The following ADGRL3 variants were observed in gnomAD, a reference collection of about 807,000 sequenced individuals.
ADGRL3 encodes the protein calcium-independent alpha-latrotoxin receptor 3.
In ADGRL3, 62 loss-of-function variants were observed where a neutral mutation model predicts 153.5. The observed-to-expected ratio is 0.40, with a 90% CI of 0.33 to 0.50. The LOEUF is 0.50. Among genes scored for constraint, ADGRL3 ranks in the 20% least tolerant of loss-of-function variants. The probability of loss-of-function intolerance (pLI) is 0.47; values close to 1 mark genes in which losing one functional copy is unlikely to be tolerated. For missense variants in ADGRL3, 1,641 were observed against 1,859.4 expected, an observed-to-expected ratio of 0.88 and a Z score of 2.16; for synonymous variants, 710 against 672.5, an observed-to-expected ratio of 1.06 and a Z score of -0.86.
chr4:61,878,485 T>C (rs541567314), intron 9 of ADGRL3, among the ~76,000 whole-genome samples: 16 of 152,324 alleles, frequency 1.1e-4, no homozygotes, highest in Non-Finnish European at 2.4e-4. Flanking sequence ...CAACTTCCTG[T>C]AAGTCTATAA....
At chr4:61,744,203 A>G (rs2096622253) in intron 8 of ADGRL3, among the ~76,000 whole-genome samples, 1 of 152,188 alleles carries the variant, frequency 6.6e-6, no homozygotes, top group Non-Finnish European at 1.5e-5. Flanking sequence ...TAAACAAAGC[A>G]GCAGGGAAAC....
At chr4:61,275,062 G>A (rs2093396030) in intron 1 of ADGRL3, among the ~76,000 whole-genome samples, 1 of 152,118 alleles carries the variant, frequency 6.6e-6, no homozygotes, top group Non-Finnish European at 1.5e-5. Flanking sequence ...GTAAAGCAGT[G>A]GCCCAGAATT....
intron 8 of ADGRL3, among the ~76,000 whole-genome samples, chr4:61,750,406 T>A: frequency 6.6e-6 from 1 of 152,196 alleles, no homozygotes; most frequent in East Asian, 1.9e-4. Flanking sequence ...CCTGACTTTC[T>A]GCTTTGTCAC....
intron 2 of ADGRL3, among the ~76,000 whole-genome samples, chr4:61,428,899 A>T (rs1481811842): frequency 1.3e-5 from 1 of 76,342 alleles, no homozygotes; most frequent in South Asian, 3.5e-4. Context: ...TATATCATCT[A>T]TCTATCTATC....
intron 2 of ADGRL3, chr4:61,427,256 G>A (rs1160074178): frequency 6.6e-6 from 1 of 152,608 alleles, no homozygotes; most frequent in Non-Finnish European, 1.5e-5. Flanking sequence ...GCATATGAAT[G>A]CCATTTACTC....
intron 9 of ADGRL3, among the ~76,000 whole-genome samples, chr4:61,842,135 T>G (rs1041092297): frequency 6.6e-6 from 1 of 152,182 alleles, no homozygotes; most frequent in Admixed American, 6.5e-5. Context: ...TTCTATACAG[T>G]TAAAACATTT....
intron 13 of ADGRL3, among the ~76,000 whole-genome samples, chr4:61,926,078 T>A (rs1408866850): frequency 6.6e-6 from 1 of 152,152 alleles, no homozygotes; most frequent in Non-Finnish European, 1.5e-5. Context: ...CTGTACTGAG[T>A]ACTGTAGACA....
chr4:61,410,213 C>T (rs764344095), intron 2 of ADGRL3, among the ~76,000 whole-genome samples: 9 of 151,976 alleles, frequency 5.9e-5, no homozygotes, highest in Non-Finnish European at 1.3e-4. Context: ...AAATGAGTAG[C>T]ATTTGGAGAT....
At chr4:61,759,844 G>C (rs369826332) in intron 8 of ADGRL3, among the ~76,000 whole-genome samples, 1 of 152,126 alleles carries the variant, frequency 6.6e-6, no homozygotes, top group East Asian at 1.9e-4. Context: ...TACAGATGGG[G>C]ATTTGGTGTG....
At chr4:61,392,701 A>G (rs1419025272) in intron 2 of ADGRL3, among the ~76,000 whole-genome samples, 4 of 146,374 alleles carry the variant, frequency 2.7e-5, no homozygotes, top group South Asian at 2.2e-4. Context: ...AAAAAAAAAA[A>G]AAAAAGAAAA....
intron 25 of ADGRL3, among the ~76,000 whole-genome samples, chr4:62,056,120 C>A (rs552035690): frequency 6.6e-6 from 1 of 151,414 alleles, no homozygotes; most frequent in Admixed American, 6.6e-5. Flanking sequence ...TCATGTGTGA[C>A]CTTGAATAAA....
At chr4:61,427,795 A>T (rs1291547833) in intron 2 of ADGRL3, 1 of 152,398 alleles carries the variant, frequency 6.6e-6, no homozygotes, top group Non-Finnish European at 1.5e-5. Context: ...GCTCTGCTTG[A>T]CCCTGGAGGT....
intron 5 of ADGRL3, among the ~76,000 whole-genome samples, chr4:61,595,669 G>A (rs564066059): frequency 6.6e-6 from 1 of 152,218 alleles, no homozygotes; most frequent in East Asian, 1.9e-4. Context: ...TGTGCCAGGT[G>A]GTGTCTTCCT....
At chr4:61,550,676 A>T (rs1316780492) in intron 4 of ADGRL3, among the ~76,000 whole-genome samples, 2 of 151,898 alleles carry the variant, frequency 1.3e-5, no homozygotes. Flanking sequence ...TTATCAGAAT[A>T]CTTTGGTGTG....
chr4:61,960,529 G>T (rs1233494849), intron 17 of ADGRL3, among the ~76,000 whole-genome samples: 1 of 152,140 alleles, frequency 6.6e-6, no homozygotes, highest in Non-Finnish European at 1.5e-5. Context: ...AAAGCCACAG[G>T]AGAGTTTTGA....
At chr4:61,640,890 G>C (rs540636072) in intron 5 of ADGRL3, among the ~76,000 whole-genome samples, 4 of 152,018 alleles carry the variant, frequency 2.6e-5, no homozygotes, top group Admixed American at 6.6e-5. Context: ...GAGAGAACAA[G>C]GTTCTGCTTA....
At chr4:61,802,051 T>C (rs1034816574) in intron 8 of ADGRL3, among the ~76,000 whole-genome samples, 4 of 152,092 alleles carry the variant, frequency 2.6e-5, no homozygotes, top group Admixed American at 6.6e-5. Context: ...AATTTTGAAA[T>C]GATCATATGC....
intron 1 of ADGRL3, among the ~76,000 whole-genome samples, chr4:61,218,761 G>T (rs759115060): frequency 4.6e-5 from 7 of 152,208 alleles, no homozygotes; most frequent in Non-Finnish European, 8.8e-5. Context: ...AAAGAAAGGA[G>T]CTCAGTTCTT....
At chr4:61,784,239 G>T (rs1236778276) in intron 8 of ADGRL3, among the ~76,000 whole-genome samples, 1 of 152,056 alleles carries the variant, frequency 6.6e-6, no homozygotes, top group Non-Finnish European at 1.5e-5. Context: ...AGAATCAAAT[G>T]GTTTTGAACA....
Sources: allele counts gnomAD v4.1 joint callset (sites outside exome capture counted in the v4.1 genomes callset), GRCh38; gene constraint gnomAD v4.1.1; transcripts MANE v1.5; gene names NCBI Gene and HGNC (gene_info 2026-07-23, HGNC 2026-07-21).